Variants in OTUD7A observed in about 807,000 individuals in gnomAD.
OTUD7A encodes the protein OTU domain-containing protein 7A.
Under a neutral mutation model 65.7 loss-of-function variants are expected in OTUD7A, and 12 were observed. The observed-to-expected ratio is 0.18, with a 90% CI of 0.12 to 0.30. The LOEUF is 0.30. OTUD7A is among the 10% of genes least tolerant of loss of function. OTUD7A has a pLI of 1.00. For synonymous variants in OTUD7A, 641 were observed against 586.3 expected (o/e 1.09, Z -1.35); for missense variants, 1,148 against 1,304.8 (o/e 0.88, Z 1.85).
At chr15:31,544,970 T>C (rs1235027221) in intron 5 of OTUD7A, among the ~76,000 whole-genome samples, 2 of 151,896 alleles carry the variant, frequency 1.3e-5, no homozygotes, top group African/African-American at 2.4e-5. Flanking sequence ...CACAGAAGAA[T>C]TAAGCTAGAA....
At chr15:31,630,552 A>T (rs562111665) in intron 3 of OTUD7A, among the ~76,000 whole-genome samples, 14 of 152,304 alleles carry the variant, frequency 9.2e-5, no homozygotes, top group African/African-American at 3.4e-4. Context: ...GCTGAAAAAA[A>T]TGTATATTCT....
chr15:31,860,755 G>C (rs965445220), intron 1 of OTUD7A, among the ~76,000 whole-genome samples: 1 of 143,516 alleles, frequency 7.0e-6, no homozygotes, highest in African/African-American at 2.5e-5. Flanking sequence ...GCCCAGGCTG[G>C]AGTGCAGTGG....
chr15:31,577,336 A>C (rs1404114207), intron 3 of OTUD7A, among the ~76,000 whole-genome samples: 2 of 152,168 alleles, frequency 1.3e-5, no homozygotes, highest in African/African-American at 4.8e-5. Flanking sequence ...CTCGGCTTCC[A>C]CAATCCCCTT....
rs772574742 is a variant in OTUD7A, at chr15:31,808,136, C to CACACAAAAAA, written c.-100+62370_-100+62371insTTTTTTGTGT. Among the ~76,000 whole-genome samples the CACACAAAAAA allele has an allele frequency of 1.4e-3, 169 of 119,492 alleles. 1 individual carries two copies. The highest frequency in any genetic ancestry group is 3.5e-3 in the African/African-American group (125 of 35,730). 78.4% of individuals were successfully genotyped at this position (119,492 alleles called of 152,430 possible). On this transcript the variant is annotated intron_variant, in intron 1 of 12. Coordinates refer to ENST00000307050, the MANE Select transcript of OTUD7A (RefSeq NM_001382637.1). ...ACACACACACACACACACACACACA[C>CACACAAAAAA]AAACAAATCCTCACCAGGTTTTTCC...
chr15:31,860,444 C>G (rs1487213421), intron 1 of OTUD7A, among the ~76,000 whole-genome samples: 2 of 151,288 alleles, frequency 1.3e-5, no homozygotes, highest in East Asian at 3.9e-4. Flanking sequence ...ATGCATTTAA[C>G]AAACATGAAT....
At chr15:31,675,400 C>T (rs1892575268) in intron 1 of OTUD7A, among the ~76,000 whole-genome samples, 1 of 152,120 alleles carries the variant, frequency 6.6e-6, no homozygotes, top group Admixed American at 6.5e-5. Context: ...TACTAACAGC[C>T]AAACATGATT....
At chr15:31,769,487 T>TA (rs905862951) in intron 1 of OTUD7A, among the ~76,000 whole-genome samples, 1 of 152,204 alleles carries the variant, frequency 6.6e-6, no homozygotes, top group Non-Finnish European at 1.5e-5. Context: ...AATGAAAACT[T>TA]AGTTTTCCCA....
At chr15:31,659,029 GAATGAATGAATGAATA>G (rs1892075839) in intron 1 of OTUD7A, among the ~76,000 whole-genome samples, 3 of 108,706 alleles carry the variant, frequency 2.8e-5, no homozygotes, top group South Asian at 5.4e-4. Context: ...ATGAATGAAT[GAATGAATGAATGAATA>G]AATAAATAAA....
At chr15:31,757,907 G>A (rs148493649) in intron 1 of OTUD7A, among the ~76,000 whole-genome samples, 30 of 152,288 alleles carry the variant, frequency 2.0e-4, no homozygotes, top group South Asian at 4.1e-4. Context: ...ACTGATGATC[G>A]TTAGAACAGA....
chr15:31,769,553 A>G (rs1013254063), intron 1 of OTUD7A, among the ~76,000 whole-genome samples: 7 of 152,180 alleles, frequency 4.6e-5, no homozygotes, highest in African/African-American at 1.7e-4. Context: ...CCAAACTAGA[A>G]CCTCCCAAAT....
At chr15:31,582,115 A>C (rs1004035468) in intron 3 of OTUD7A, among the ~76,000 whole-genome samples, 1 of 152,162 alleles carries the variant, frequency 6.6e-6, no homozygotes, top group Non-Finnish European at 1.5e-5. Context: ...AACTTCCACA[A>C]ATCTCTAGTG....
At chr15:31,502,511 G>A (rs2041484569) in intron 9 of OTUD7A, among the ~76,000 whole-genome samples, 1 of 152,210 alleles carries the variant, frequency 6.6e-6, no homozygotes, top group Non-Finnish European at 1.5e-5. Flanking sequence ...TCCTTGAGCA[G>A]AATTCAGGGA....
intron 1 of OTUD7A, among the ~76,000 whole-genome samples, chr15:31,821,229 G>A (rs762364017): frequency 1.1e-4 from 15 of 139,010 alleles, no homozygotes; most frequent in African/African-American, 2.4e-4. Flanking sequence ...TCCACCTCCC[G>A]GGTTCAAGCG....
chr15:31,589,475 T>TTTTTG (rs1405671107), intron 3 of OTUD7A, among the ~76,000 whole-genome samples: 1 of 149,522 alleles, frequency 6.7e-6, no homozygotes, highest in African/African-American at 2.5e-5. Flanking sequence ...TTTTTTTTTT[T>TTTTTG]TTTTTTCTGT....
intron 3 of OTUD7A, among the ~76,000 whole-genome samples, chr15:31,623,465 C>T (rs111740405): frequency 3.3e-5 from 5 of 152,354 alleles, no homozygotes; most frequent in African/African-American, 7.2e-5. Context: ...TGAGCAATGG[C>T]GGGCGCCCCT....
intron 1 of OTUD7A, among the ~76,000 whole-genome samples, chr15:31,805,118 A>G (rs2140953235): frequency 6.6e-6 from 1 of 152,346 alleles, no homozygotes; most frequent in East Asian, 1.9e-4. Context: ...CAGCCCCTGC[A>G]GAGGCAACAG....
chr15:31,540,723 A>T (rs1887961743), intron 5 of OTUD7A, among the ~76,000 whole-genome samples: 1 of 152,234 alleles, frequency 6.6e-6, no homozygotes, highest in African/African-American at 2.4e-5. Context: ...AAAGGAGTAT[A>T]TTTATGCATA....
chr15:31,801,743 G>A (rs1390856706), intron 1 of OTUD7A, among the ~76,000 whole-genome samples: 1 of 152,130 alleles, frequency 6.6e-6, no homozygotes, highest in East Asian at 1.9e-4. Flanking sequence ...ACAGCCAAGA[G>A]AAATCAGGAT....
chr15:31,741,080 C>T (rs1356910929), intron 1 of OTUD7A, among the ~76,000 whole-genome samples: 1 of 152,006 alleles, frequency 6.6e-6, no homozygotes, highest in East Asian at 1.9e-4. Flanking sequence ...GAAACATTTA[C>T]AAAATATTTA....
Sources: gnomAD v4.1 joint callset for allele counts (sites outside exome capture counted in the v4.1 genomes callset) on GRCh38, gnomAD v4.1.1 for gene constraint, MANE v1.5 for transcripts, NCBI Gene and HGNC (gene_info 2026-07-23, HGNC 2026-07-21) for gene names.